Variants in PITPNM3 observed in about 807,000 individuals in gnomAD.
The protein encoded by PITPNM3 is membrane-associated phosphatidylinositol transfer protein 3.
Under a neutral mutation model 102.0 loss-of-function variants are expected in PITPNM3, and 26 were observed. The observed-to-expected ratio is 0.25, with a 90% CI of 0.19 to 0.35. The LOEUF (loss-of-function observed/expected upper bound fraction) is 0.35. Among genes scored for constraint, PITPNM3 ranks in the 10% least tolerant of loss-of-function variants. PITPNM3 has a pLI of 1.00. For synonymous variants in PITPNM3, 578 were observed against 558.6 expected, an observed-to-expected ratio of 1.03 and a Z score of -0.49; for missense variants, 1,083 against 1,346.1, an observed-to-expected ratio of 0.80 and a Z score of 3.06.
At position 6,470,227 on chromosome 17, in the gene PITPNM3, C is replaced by A; in HGVS notation, c.1773+33G>T. 1 of 1,572,536 alleles carries A rather than the reference C, an allele frequency of 6.4e-7. No homozygotes were observed. On this transcript the variant is annotated intron_variant, in intron 13 of 19. Coordinates refer to ENST00000262483, the MANE Select transcript of PITPNM3 (RefSeq NM_031220.4). This position sits in a 1 kb window ranked among gnomAD's most constrained non-coding sequence, Gnocchi z 4.8. ...AAGGGGCGGTACCCCCTTGGGGTGGCTGTGGGCAGGCCCGCGACTGCGGCA... is the reference window on the plus strand; with the variant it reads ...AAGGGGCGGTACCCCCTTGGGGTGGATGTGGGCAGGCCCGCGACTGCGGCA...
At chr17:6,525,855 C>A (rs1908804368) in intron 2 of PITPNM3, among the ~76,000 whole-genome samples, 1 of 152,204 alleles carries the variant, frequency 6.6e-6, no homozygotes, top group Admixed American at 6.5e-5. Context: ...ATTTTCCCAT[C>A]ACTAAAATGG....
chr17:6,476,987 T>C (rs1193924568), intron 9 of PITPNM3, 42 bp downstream of exon 9: 2 of 1,608,338 alleles, frequency 1.2e-6, no homozygotes, highest in East Asian at 2.2e-5. Context: ...CCCAGTTGGC[T>C]CTGAGCCAAG....
intron 17 of PITPNM3, among the ~76,000 whole-genome samples, chr17:6,462,048 A>T (rs2150715848): frequency 6.6e-6 from 1 of 151,602 alleles, no homozygotes. Flanking sequence ...CCCACATCTA[A>T]CCTGAGCCCT....
intron 1 of PITPNM3, among the ~76,000 whole-genome samples, chr17:6,548,815 A>G (rs1186617911): frequency 6.6e-6 from 1 of 152,136 alleles, no homozygotes; most frequent in South Asian, 2.1e-4. Flanking sequence ...CAGACAGCTC[A>G]GAAGAGGCCT....
At chr17:6,499,943 C>T (rs1045863909) in intron 4 of PITPNM3, among the ~76,000 whole-genome samples, 72 of 152,150 alleles carry the variant, frequency 4.7e-4, no homozygotes, top group Admixed American at 4.7e-3. Context: ...GTTCCCCAGG[C>T]TGGTCTCGAA....
At chr17:6,495,369 TTTCCAAAAGCTCTTTTG>T (rs1038908604) in intron 4 of PITPNM3, among the ~76,000 whole-genome samples, 12 of 152,184 alleles carry the variant, frequency 7.9e-5, no homozygotes, top group African/African-American at 2.9e-4. Flanking sequence ...CTGGCTTTTG[TTTCCAAAAGCTCTTTTG>T]TTCCCAAGAG....
intron 4 of PITPNM3, among the ~76,000 whole-genome samples, chr17:6,494,842 C>T (rs760752533): frequency 4.6e-5 from 7 of 152,162 alleles, no homozygotes; most frequent in Non-Finnish European, 8.8e-5. Context: ...TGCCACATTG[C>T]TTTTACAACA....
At chr17:6,548,614 G>C (rs951351161) in intron 1 of PITPNM3, among the ~76,000 whole-genome samples, 5 of 152,064 alleles carry the variant, frequency 3.3e-5, no homozygotes, top group African/African-American at 1.2e-4. Flanking sequence ...GTGCATGAGT[G>C]ACGGGCAGCC....
chr17:6,536,722 T>G (rs79723331), intron 2 of PITPNM3, among the ~76,000 whole-genome samples: 6,321 of 152,302 alleles, frequency 0.042, 284 homozygotes, highest in East Asian at 0.16. Flanking sequence ...ATCCCAAGTG[T>G]CCCGCTCTGG....
chr17:6,517,982 T>C lies in PITPNM3; in HGVS notation c.226+7374A>G, dbSNP rs1422220037. Among the ~76,000 whole-genome samples, 1 of 152,200 alleles carries C rather than the reference T, an allele frequency of 6.6e-6. No individual in the cohort carries two copies. Among genetic ancestry groups the C allele is most frequent in the Non-Finnish European group, 1.5e-5 (1 of 68,040 alleles). On this transcript the variant is annotated intron_variant, in intron 3 of 19. Transcript: ENST00000262483. This position sits in a 1 kb window ranked among gnomAD's most constrained non-coding sequence, Gnocchi z 4.1. ...AGAAAAGGGGAAGGAGAAAACTGTA[T>C]TGATAATATCTTTAATTTTATAGAG...
chr17:6,455,584 G>A lies in PITPNM3; in HGVS notation c.2679C>T (p.Arg893=), dbSNP rs1356280672. 3.8e-6 allele frequency: 6 copies of A among 1,597,780 alleles called. No individual in the cohort carries two copies. The highest frequency in any genetic ancestry group is 5.1e-6 in the Non-Finnish European group (6 of 1,178,818). Residue 893 remains arginine (R), a synonymous_variant, in exon 20 of 20, where the codon CGC becomes CGT. Coordinates refer to ENST00000262483, the MANE Select transcript of PITPNM3 (RefSeq NM_031220.4). ...LAALEASHRS[R]PKKNNSRMIL... is the part of the protein sequence containing the mutation. ...TCATGCGCGAGTTGTTCTTCTTTGG[G>A]CGTGAGCGGTGGCTGGCCTCCAGCG...
chr17:6,488,379 C>T (rs537248910), intron 4 of PITPNM3, among the ~76,000 whole-genome samples: 6 of 152,112 alleles, frequency 3.9e-5, no homozygotes, highest in African/African-American at 1.4e-4. Flanking sequence ...TCTAGAAAGC[C>T]GTCTTTGATC....
intron 4 of PITPNM3, among the ~76,000 whole-genome samples, chr17:6,495,549 G>C (rs1453947678): frequency 6.6e-6 from 1 of 152,208 alleles, no homozygotes; most frequent in Non-Finnish European, 1.5e-5. Context: ...ATGCTCCAGA[G>C]AGCGTGAACC....
rs1387900687 is a variant in PITPNM3 at position 6,478,635 on chromosome 17, T to G, written c.689A>C (p.Gln230Pro). Residue 230 changes from glutamine (Q) to proline (P), a missense_variant, in exon 7 of 20, where the codon CAG becomes CCG. By Grantham distance (76) the Gln-to-Pro change is moderately conservative. This residue lies in a region of PITPNM3 where 290 missense variants were observed against 337.8 expected (regional missense o/e 0.86). Transcript: ENST00000262483. This position sits in a 1 kb window ranked among gnomAD's most constrained non-coding sequence, Gnocchi z 4.4. Reference protein sequence around the residue: ...PLLAISSPQYQDAVATVIERA... With the variant: ...PLLAISSPQYPDAVATVIERA... ...CTCGATGACGGTGGCGACAGCATCC[T>G]GGTACTGCGGGGAGGAGATGGCCAA... 6.2e-7 allele frequency: 1 copy of G among 1,613,996 alleles called. No homozygotes were observed. Among genetic ancestry groups the G allele is most frequent in the Non-Finnish European group, 8.5e-7 (1 of 1,179,982 alleles).
At chr17:6,516,069 A>G (rs1908156029) in intron 3 of PITPNM3, among the ~76,000 whole-genome samples, 2 of 152,216 alleles carry the variant, frequency 1.3e-5, no homozygotes, top group Admixed American at 1.3e-4. Context: ...ACTACTCAGA[A>G]GGCTGAGGCA....
Position 6,478,990 on chromosome 17 carries a change from T to C in PITPNM3, c.588-254A>G. 1.8e-6 allele frequency: 1 copy of C among 549,078 alleles called. No individual in the cohort carries two copies. Among genetic ancestry groups the C allele is most frequent in the East Asian group, 3.0e-5 (1 of 33,508 alleles). The allele number at this position is 549,078 out of a possible 1,614,324, so 34.0% of individuals were successfully genotyped here. On this transcript the variant is annotated intron_variant, in intron 6 of 19. Coordinates refer to ENST00000262483, the MANE Select transcript of PITPNM3 (RefSeq NM_031220.4). This position sits in a 1 kb window ranked among gnomAD's most constrained non-coding sequence, Gnocchi z 4.4. ...CCATGGGTGTGGGCCCTGGGGTCCC[T>C]GTGACTGCAGTCTCTATTGCCCTCT...
chr17:6,527,969 C>T (rs1908930096), intron 2 of PITPNM3, among the ~76,000 whole-genome samples: 1 of 152,216 alleles, frequency 6.6e-6, no homozygotes, highest in East Asian at 1.9e-4. Flanking sequence ...CCACTTTCCT[C>T]TTTTTCCTAA....
rs1028132057 is a variant in PITPNM3, at chr17:6,556,061, C to G, written c.22+324G>C. On this transcript the variant is annotated intron_variant, in intron 1 of 19. Coordinates refer to ENST00000262483, the MANE Select transcript of PITPNM3 (RefSeq NM_031220.4). The surrounding 1 kb of genome is among the most constrained non-coding windows in gnomAD (Gnocchi z 5.2). ...GGACATCCCCTTCGGTGGCGAAGCCCGGGTCTGCCCGGGGCCTCCGCGGGG... is the reference window on the plus strand; with the variant it reads ...GGACATCCCCTTCGGTGGCGAAGCCGGGGTCTGCCCGGGGCCTCCGCGGGG... Among the ~76,000 whole-genome samples the G allele has an allele frequency of 3.7e-4, 56 of 152,234 alleles. 1 individual carries two copies. The highest frequency in any genetic ancestry group is 1.3e-3 in the African/African-American group (55 of 41,576).
chr17:6,518,129 G>A (rs952849), intron 3 of PITPNM3, among the ~76,000 whole-genome samples: 1 of 152,066 alleles, frequency 6.6e-6, no homozygotes, highest in African/African-American at 2.4e-5. Context: ...AAGATATCAC[G>A]TTAGGGTCAC....
Sources: gnomAD v4.1 joint callset for allele counts (sites outside exome capture counted in the v4.1 genomes callset) on GRCh38, gnomAD v4.1.1 for gene constraint, gnomAD v4.1.1 regional missense constraint, Gnocchi (gnomAD v3.1) non-coding constraint, MANE v1.5 for transcripts, NCBI Gene and HGNC (gene_info 2026-07-23, HGNC 2026-07-21) for gene names.